PDE4D: variants seen among roughly 807,000 people sequenced by gnomAD.
PDE4D encodes the protein 3',5'-cyclic-AMP phosphodiesterase 4D.
In PDE4D, 24 loss-of-function variants were observed where a neutral mutation model predicts 87.4. That is an observed-to-expected ratio of 0.27 (90% CI 0.20 to 0.39). The LOEUF (loss-of-function observed/expected upper bound fraction) is 0.39, where lower values mean the gene tolerates loss of function less well. PDE4D is among the 10% of genes least tolerant of loss of function. PDE4D has a pLI of 1.00. For missense variants in PDE4D, 714 were observed against 1,041.0 expected (o/e 0.69, Z 4.32); for synonymous variants, 384 against 383.2 (o/e 1.00, Z -0.02).
At chr5:60,353,167 C>A (rs1759342383) in intron 1 of PDE4D, among the ~76,000 whole-genome samples, 1 of 152,174 alleles carries the variant, frequency 6.6e-6, no homozygotes, top group African/African-American at 2.4e-5. Flanking sequence ...CAGGAAGCTA[C>A]CTGCCACCTT....
rs549407394 is a variant in PDE4D, at chr5:59,229,298, A to G, written c.456-13330T>C. Among the ~76,000 whole-genome samples, 3 of 152,142 alleles carry G rather than the reference A, an allele frequency of 2.0e-5. No homozygotes were observed. In the South Asian group the frequency reaches 6.2e-4, roughly 31 times the overall value. On this transcript the variant is annotated intron_variant, in intron 1 of 14. Coordinates refer to ENST00000340635, the MANE Select transcript of PDE4D (RefSeq NM_001104631.2). ...TTTTCTATACCGGTTATCATTTACC[A>G]TGGTTATCTGTGTAGTTCTACTTTA...
chr5:59,593,205 T>G (rs963883157), intron 1 of PDE4D, among the ~76,000 whole-genome samples: 1 of 152,052 alleles, frequency 6.6e-6, no homozygotes, highest in African/African-American at 2.4e-5. Context: ...GTATAATATT[T>G]GTTTAGAAAA....
At chr5:60,186,794 A>G (rs888778846) in intron 1 of PDE4D, among the ~76,000 whole-genome samples, 1 of 152,206 alleles carries the variant, frequency 6.6e-6, no homozygotes, top group African/African-American at 2.4e-5. Flanking sequence ...AGTACAAAGT[A>G]GTATGAATTA....
At chr5:59,833,853 T>C (rs1741614782) in intron 1 of PDE4D, among the ~76,000 whole-genome samples, 1 of 152,100 alleles carries the variant, frequency 6.6e-6, no homozygotes, top group African/African-American at 2.4e-5. Context: ...AACTTGATTT[T>C]TCTCTTGTGT....
intron 1 of PDE4D, among the ~76,000 whole-genome samples, chr5:60,281,357 T>TA (rs71606629): frequency 0.41 from 62,788 of 151,964 alleles, 15,142 homozygotes; most frequent in African/African-American, 0.67. Context: ...CCTATTTCAG[T>TA]AGGAAATATT....
At chr5:60,340,954 T>C (rs369254378) in intron 1 of PDE4D, among the ~76,000 whole-genome samples, 46 of 152,246 alleles carry the variant, frequency 3.0e-4, no homozygotes, top group African/African-American at 1.1e-3. Flanking sequence ...TCTCAGTAAG[T>C]AAATGTAAGA....
chr5:59,237,677 T>C (rs1756740135), intron 1 of PDE4D, among the ~76,000 whole-genome samples: 1 of 152,190 alleles, frequency 6.6e-6, no homozygotes, highest in South Asian at 2.1e-4. Context: ...GCTTGCATCT[T>C]GAATCTGCTT....
At chr5:59,794,010 C>T (rs1766134375) in intron 1 of PDE4D, among the ~76,000 whole-genome samples, 1 of 152,108 alleles carries the variant, frequency 6.6e-6, no homozygotes, top group South Asian at 2.1e-4. Flanking sequence ...ACATTGCACT[C>T]ATGTGTATAC....
At chr5:59,013,313 A>G (rs1260587980) in intron 6 of PDE4D, among the ~76,000 whole-genome samples, 2 of 141,678 alleles carry the variant, frequency 1.4e-5, no homozygotes, top group South Asian at 2.3e-4. Flanking sequence ...GCAGAACTGA[A>G]GGAGATAGAG....
intron 1 of PDE4D, among the ~76,000 whole-genome samples, chr5:59,495,165 A>G (rs1178343570): frequency 6.6e-6 from 1 of 152,178 alleles, no homozygotes; most frequent in East Asian, 1.9e-4. Context: ...TAACTTGCTC[A>G]GCTCCTTGAC....
intron 1 of PDE4D, among the ~76,000 whole-genome samples, chr5:60,273,710 G>A (rs1262480710): frequency 1.3e-5 from 2 of 152,116 alleles, no homozygotes; most frequent in Admixed American, 1.3e-4. Context: ...TTCCATTTGG[G>A]GTGGAAAAGA....
chr5:59,561,854 C>T (rs1193468013), intron 1 of PDE4D, among the ~76,000 whole-genome samples: 6 of 151,808 alleles, frequency 4.0e-5, no homozygotes, highest in African/African-American at 1.5e-4. Context: ...ATTGCTTGAA[C>T]CCGGGAGGCA....
intron 2 of PDE4D, among the ~76,000 whole-genome samples, chr5:60,098,271 T>C (rs1447259934): frequency 6.6e-6 from 1 of 151,998 alleles, no homozygotes; most frequent in Non-Finnish European, 1.5e-5. Context: ...ATTTATTATA[T>C]ATTTCAAATA....
intron 6 of PDE4D, among the ~76,000 whole-genome samples, chr5:59,017,312 C>A (rs13187670): frequency 0.1 from 15,364 of 152,186 alleles, 1,038 homozygotes; most frequent in Non-Finnish European, 0.13. Flanking sequence ...GACTTGAAGA[C>A]TTGCACAACA....
chr5:59,498,810 T>A (rs1169919595), intron 1 of PDE4D, among the ~76,000 whole-genome samples: 2 of 152,038 alleles, frequency 1.3e-5, no homozygotes, highest in Non-Finnish European at 2.9e-5. Context: ...GAAAAGACTT[T>A]CATGGCCACC....
At chr5:59,484,641 T>A (rs1444660483) in intron 1 of PDE4D, among the ~76,000 whole-genome samples, 1 of 152,198 alleles carries the variant, frequency 6.6e-6, no homozygotes, top group African/African-American at 2.4e-5. Flanking sequence ...CCAAAGTTAC[T>A]GCACCTTCAT....
intron 1 of PDE4D, among the ~76,000 whole-genome samples, chr5:60,267,978 T>C (rs1284891422): frequency 6.6e-6 from 1 of 152,138 alleles, no homozygotes; most frequent in Non-Finnish European, 1.5e-5. Flanking sequence ...CCTCACTTAC[T>C]AGCTAACTTA....
chr5:60,440,673 T>C (rs1466262574), intron 1 of PDE4D, among the ~76,000 whole-genome samples: 1 of 152,038 alleles, frequency 6.6e-6, no homozygotes, highest in African/African-American at 2.4e-5. Context: ...TTAGAAATAG[T>C]GAGTAAAGAG....
intron 2 of PDE4D, among the ~76,000 whole-genome samples, chr5:60,036,976 T>A (rs1767880642): frequency 6.6e-6 from 1 of 152,182 alleles, no homozygotes; most frequent in African/African-American, 2.4e-5. Flanking sequence ...AAACATTTTG[T>A]CTTATAAAAA....
Sources: allele counts gnomAD v4.1 joint callset (sites outside exome capture counted in the v4.1 genomes callset), GRCh38; gene constraint gnomAD v4.1.1; transcripts MANE v1.5; gene names NCBI Gene and HGNC (gene_info 2026-07-23, HGNC 2026-07-21).